The following DAB2IP variants were observed in gnomAD, a reference collection of about 807,000 sequenced individuals.
The protein encoded by DAB2IP is disabled homolog 2-interacting protein.
Under a neutral mutation model 107.2 loss-of-function variants are expected in DAB2IP, and 28 were observed. The observed-to-expected ratio is 0.26, with a 90% CI of 0.19 to 0.36. The LOEUF is 0.36. Ranked by LOEUF, DAB2IP falls within the 10% of genes least tolerant of loss-of-function variation. The pLI is 1.00. For synonymous variants in DAB2IP, 755 were observed against 706.4 expected (o/e 1.07, Z -1.09); for missense variants, 1,400 against 1,644.7 (o/e 0.85, Z 2.57).
intron 1 of DAB2IP, among the ~76,000 whole-genome samples, chr9:121,628,058 G>A (rs577429330): frequency 2.0e-5 from 3 of 152,322 alleles, no homozygotes; most frequent in African/African-American, 7.2e-5. Flanking sequence ...TGCTAAGAAC[G>A]ACACTGCTGT....
chr9:121,618,869 G>A (rs570328450), intron 1 of DAB2IP, among the ~76,000 whole-genome samples: 1 of 152,154 alleles, frequency 6.6e-6, no homozygotes, highest in Non-Finnish European at 1.5e-5. Context: ...CGGGGCAGGG[G>A]CTGTGTGTAC....
At chr9:121,678,505 TG>T (rs2119135472) in intron 1 of DAB2IP, among the ~76,000 whole-genome samples, 172 bp from the exon 2 acceptor site, 1 of 152,300 alleles carries the variant, frequency 6.6e-6, no homozygotes, top group African/African-American at 2.4e-5. Context: ...CTGGGTCATG[TG>T]GTACTTGTAT....
At chr9:121,604,223 C>A (rs1830791161) in intron 1 of DAB2IP, among the ~76,000 whole-genome samples, 1 of 152,180 alleles carries the variant, frequency 6.6e-6, no homozygotes, top group Non-Finnish European at 1.5e-5. Flanking sequence ...AGCCTTGTCT[C>A]CCTTCCAAGC....
chr9:121,654,158 G>T (rs1832878562), intron 1 of DAB2IP, among the ~76,000 whole-genome samples: 1 of 152,218 alleles, frequency 6.6e-6, no homozygotes, highest in Admixed American at 6.5e-5. Context: ...CTGCAGCTGA[G>T]GGTGAGCTAC....
rs527391735 is a variant in DAB2IP at position 121,664,063 on chromosome 9, T to C, written c.124+12164T>C. Among the ~76,000 whole-genome samples the C allele has an allele frequency of 3.9e-5, 6 of 152,374 alleles. No homozygotes were observed. In the East Asian group the frequency reaches 7.7e-4, roughly 20 times the overall value. On this transcript the variant is annotated intron_variant, in intron 1 of 15. Transcript: ENST00000408936. ...ACAGTCATTATCTCTCTTAGATCTG[T>C]TTCTCCACATTTCCTGGTGATCCAT...
Position 121,776,831 on chromosome 9 carries a change from A to G in DAB2IP, c.3314+440A>G, listed in dbSNP as rs935526785. Among the ~76,000 whole-genome samples the G allele has an allele frequency of 3.3e-5, 5 of 152,056 alleles. No individual in the cohort carries two copies. ...CAGCGTAGCCCCCAGATTCCTACCA[A>G]GAGTGTCTGGGTGTGGGCGTATCAG... On this transcript the variant is annotated intron_variant, in intron 14 of 15. Coordinates refer to ENST00000408936, the Ensembl canonical transcript of DAB2IP. The surrounding 1 kb of genome is among the most constrained non-coding windows in gnomAD (Gnocchi z 5.4).
At chr9:121,605,720 G>C (rs573059824) in intron 1 of DAB2IP, among the ~76,000 whole-genome samples, 25 of 152,164 alleles carry the variant, frequency 1.6e-4, no homozygotes, top group African/African-American at 5.8e-4. Context: ...TGCGCAGGCT[G>C]GTCTTGAACT....
intron 10 of DAB2IP, 59 bp from the exon 11 acceptor site, chr9:121,770,487 A>G: frequency 2.6e-6 from 4 of 1,568,074 alleles, no homozygotes; most frequent in Non-Finnish European, 3.5e-6. Flanking sequence ...GCTGCAGCAC[A>G]TACAGCCTAC....
intron 1 of DAB2IP, among the ~76,000 whole-genome samples, chr9:121,673,588 A>G (rs774154489): frequency 4.6e-5 from 7 of 151,178 alleles, no homozygotes; most frequent in Non-Finnish European, 8.9e-5. Context: ...CTGTGATATT[A>G]AAATTTTATG....
intron 3 of DAB2IP, among the ~76,000 whole-genome samples, chr9:121,733,288 A>G (rs1020731324): frequency 1.3e-5 from 2 of 152,202 alleles, no homozygotes; most frequent in Non-Finnish European, 1.5e-5. Context: ...AGTCTCTAGA[A>G]AGAAGAGATG....
chr9:121,714,039 A>AC (rs1397652981), intron 3 of DAB2IP, among the ~76,000 whole-genome samples: 3 of 152,148 alleles, frequency 2.0e-5, no homozygotes, highest in Non-Finnish European at 4.4e-5. Context: ...TTTGAGGTCT[A>AC]CATGGGATCA....
intron 1 of DAB2IP, among the ~76,000 whole-genome samples, chr9:121,660,514 G>T (rs1037475926): frequency 6.6e-6 from 1 of 152,184 alleles, no homozygotes; most frequent in African/African-American, 2.4e-5. Context: ...GCCGGCAGGT[G>T]CAGGATGGGG....
At chr9:121,749,044 C>T (rs1192232380) in intron 3 of DAB2IP, among the ~76,000 whole-genome samples, 2 of 152,184 alleles carry the variant, frequency 1.3e-5, no homozygotes, top group Non-Finnish European at 2.9e-5. Context: ...GGAAGACTTC[C>T]CAGGCAGGGC....
At position 121,776,074 on chromosome 9, in the gene DAB2IP, G is replaced by A. The variant is rs1835177655; in HGVS notation, c.3121-124G>A. 8.8e-7 allele frequency: 1 copy of A among 1,133,312 alleles called. No individual in the cohort carries two copies. The highest frequency in any genetic ancestry group is 1.2e-6 in the Non-Finnish European group (1 of 808,418). 70.2% of individuals were successfully genotyped at this position (1,133,312 alleles called of 1,614,324 possible). ...GGCATCTCCTTGCTATGTGAAGTGG[G>A]CGGGTCACAGCCACTGGGGCCTTTC... On this transcript the variant is annotated intron_variant, in intron 13 of 15. Coordinates refer to ENST00000408936, the Ensembl canonical transcript of DAB2IP. The surrounding 1 kb of genome is among the most constrained non-coding windows in gnomAD (Gnocchi z 5.4).
chr9:121,652,784 G>C (rs549983192), intron 1 of DAB2IP, among the ~76,000 whole-genome samples: 2 of 152,072 alleles, frequency 1.3e-5, no homozygotes, highest in Non-Finnish European at 2.9e-5. Context: ...AGACCAAGAG[G>C]GGCCACATTC....
At chr9:121,783,429 C>T in exon 16 of DAB2IP, 4 of 1,607,618 alleles carry the variant, frequency 2.5e-6, no homozygotes, top group Non-Finnish European at 3.4e-6. Flanking sequence ...CTGGTGCTCA[C>T]CCTGAAAGAA....
exon 16 of DAB2IP, chr9:121,783,198 A>C: frequency 9.1e-7 from 1 of 1,103,658 alleles, no homozygotes; most frequent in Non-Finnish European, 1.1e-6. Context: ...TTGTATTGCC[A>C]GATAGACCCA....
At chr9:121,579,129 C>A (rs1477776157) in intron 1 of DAB2IP, among the ~76,000 whole-genome samples, 1 of 152,128 alleles carries the variant, frequency 6.6e-6, no homozygotes, top group Non-Finnish European at 1.5e-5. Context: ...GATGTAACTT[C>A]TCTGAATCTC....
chr9:121,730,082 C>T (rs777565584), intron 3 of DAB2IP, among the ~76,000 whole-genome samples: 8 of 152,156 alleles, frequency 5.3e-5, no homozygotes, highest in Admixed American at 2.0e-4. Flanking sequence ...CTCATCTCCA[C>T]GCTTTGTGGT....
Sources: gnomAD v4.1 joint callset for allele counts (sites outside exome capture counted in the v4.1 genomes callset) on GRCh38, gnomAD v4.1.1 for gene constraint, Gnocchi (gnomAD v3.1) non-coding constraint, MANE v1.5 for transcripts, NCBI Gene and HGNC (gene_info 2026-07-23, HGNC 2026-07-21) for gene names.